The following MECOM variants were observed in gnomAD, a reference collection of about 807,000 sequenced individuals.
MECOM encodes histone-lysine N-methyltransferase MECOM.
Under a neutral mutation model 116.3 loss-of-function variants are expected in MECOM, and 13 were observed. The observed-to-expected ratio is 0.11, with a 90% CI of 0.07 to 0.18. The LOEUF (loss-of-function observed/expected upper bound fraction) is 0.18. Ranked by LOEUF, MECOM falls within the 10% of genes least tolerant of loss-of-function variation. MECOM has a pLI of 1.00. For synonymous variants in MECOM, 528 were observed against 535.2 expected (o/e 0.99, Z 0.19); for missense variants, 1,299 against 1,509.0 (o/e 0.86, Z 2.31).
At chr3:169,126,094 G>T (rs1370054889) in intron 5 of MECOM, among the ~76,000 whole-genome samples, 3 of 152,056 alleles carry the variant, frequency 2.0e-5, no homozygotes, top group East Asian at 1.9e-4. Flanking sequence ...AAATATAAAT[G>T]TTGAGAATTC....
chr3:169,463,569 T>C (rs1747802020), intron 1 of MECOM, among the ~76,000 whole-genome samples: 1 of 152,132 alleles, frequency 6.6e-6, no homozygotes. Flanking sequence ...AGAATAAAAA[T>C]AAGAAAATTA....
At chr3:169,610,560 A>G (rs1769138941) in intron 1 of MECOM, among the ~76,000 whole-genome samples, 1 of 151,650 alleles carries the variant, frequency 6.6e-6, no homozygotes, top group African/African-American at 2.4e-5. Flanking sequence ...TGGGATACTG[A>G]GCACAGAGGC....
chr3:169,439,766 C>T (rs1265034643), intron 1 of MECOM, among the ~76,000 whole-genome samples: 2 of 152,102 alleles, frequency 1.3e-5, no homozygotes, highest in Non-Finnish European at 2.9e-5. Flanking sequence ...TTCTTGTCCA[C>T]ATTCCTTATA....
intron 2 of MECOM, among the ~76,000 whole-genome samples, chr3:169,295,093 A>G (rs764584058): frequency 9.2e-5 from 14 of 152,180 alleles, no homozygotes; most frequent in Non-Finnish European, 1.6e-4. Context: ...GGGATTTTCA[A>G]ACTGTCTTCC....
At chr3:169,477,741 GA>G (rs1411219858) in intron 1 of MECOM, among the ~76,000 whole-genome samples, 1 of 152,090 alleles carries the variant, frequency 6.6e-6, no homozygotes, top group Non-Finnish European at 1.5e-5. Context: ...AAACCTTGTA[GA>G]TAGCCAATCT....
chr3:169,108,541 G>C (rs1340659895), intron 9 of MECOM, among the ~76,000 whole-genome samples: 2 of 152,128 alleles, frequency 1.3e-5, no homozygotes, highest in African/African-American at 4.8e-5. Flanking sequence ...GAGTCACTGG[G>C]AAAACCTTCA....
intron 1 of MECOM, among the ~76,000 whole-genome samples, chr3:169,572,913 C>G (rs1764085257): frequency 1.3e-5 from 2 of 151,922 alleles, no homozygotes; most frequent in East Asian, 3.9e-4. Context: ...ACCACCATGG[C>G]ACGTGTATAC....
chr3:169,468,609 C>G (rs574042343), intron 1 of MECOM, among the ~76,000 whole-genome samples: 28 of 152,106 alleles, frequency 1.8e-4, no homozygotes, highest in Non-Finnish European at 4.0e-4. Flanking sequence ...AAAAGGAATC[C>G]TTGCTTCTCA....
chr3:169,110,923 C>T (rs895111444), intron 9 of MECOM, among the ~76,000 whole-genome samples: 1 of 152,186 alleles, frequency 6.6e-6, no homozygotes, highest in Admixed American at 6.6e-5. Flanking sequence ...GCACTGGACA[C>T]ATGCCTCATC....
chr3:169,115,522 T>C lies in MECOM; in HGVS notation c.2350A>G (p.Ser784Gly). Reference protein sequence around the residue: ...DLSMGSRSRASGTKLTEPRKN... With the variant: ...DLSMGSRSRAGGTKLTEPRKN... ...CGAGGCTCAGTCAGCTTTGTCCCAC[T>C]GGCTCTACTCCTACTGCCCATACTT... Residue 784 changes from serine (S) to glycine (G), a missense_variant, in exon 8 of 17, where the codon AGT becomes GGT. By Grantham distance (56) the Ser-to-Gly change is moderately conservative. Transcript: ENST00000651503. 6.2e-7 allele frequency: 1 copy of C among 1,614,196 alleles called. No individual in the cohort carries two copies. The highest frequency in any genetic ancestry group is 8.5e-7 in the Non-Finnish European group (1 of 1,180,032).
intron 4 of MECOM, among the ~76,000 whole-genome samples, chr3:169,129,394 T>C (rs1733950276): frequency 1.1e-5 from 1 of 92,474 alleles, no homozygotes; most frequent in African/African-American, 4.0e-5. Context: ...AGGGATATAT[T>C]CAGACTTGGT....
At chr3:169,583,922 C>T (rs1467746607) in intron 1 of MECOM, among the ~76,000 whole-genome samples, 1 of 152,034 alleles carries the variant, frequency 6.6e-6, no homozygotes, top group East Asian at 1.9e-4. Flanking sequence ...ATTTTAAAAT[C>T]AATTATTTGA....
At chr3:169,097,396 G>C (rs566429759) in intron 12 of MECOM, among the ~76,000 whole-genome samples, 1 of 152,010 alleles carries the variant, frequency 6.6e-6, no homozygotes, top group Non-Finnish European at 1.5e-5. Context: ...TCCAATAAGA[G>C]CCTAAGTTTT....
chr3:169,542,190 CT>C (rs1760153324), intron 1 of MECOM, among the ~76,000 whole-genome samples: 1 of 152,062 alleles, frequency 6.6e-6, no homozygotes. Flanking sequence ...ATTAAATATA[CT>C]CTTTTTTAAA....
intron 1 of MECOM, among the ~76,000 whole-genome samples, chr3:169,559,046 G>GCA (rs113971910): frequency 0.013 from 1,989 of 148,372 alleles, 43 homozygotes; most frequent in South Asian, 0.035. Context: ...ACACACACGC[G>GCA]CACACACACA....
chr3:169,531,265 G>A (rs1191339666), intron 1 of MECOM, among the ~76,000 whole-genome samples: 1 of 152,128 alleles, frequency 6.6e-6, no homozygotes, highest in East Asian at 1.9e-4. Context: ...ATCTGCCAAA[G>A]ACACACTTAA....
intron 1 of MECOM, among the ~76,000 whole-genome samples, chr3:169,662,650 C>T (rs1430021934): frequency 6.6e-6 from 1 of 151,136 alleles, no homozygotes; most frequent in East Asian, 2.0e-4. Context: ...CCGCGCAGCG[C>T]CGCGCCGGAG....
chr3:169,121,321 C>G, intron 6 of MECOM, 112 bp from the exon 7 acceptor site: 1 of 1,159,138 alleles, frequency 8.6e-7, no homozygotes, highest in South Asian at 1.8e-5. Flanking sequence ...TTTTCTTTTC[C>G]CCAAAGACCA....
intron 2 of MECOM, among the ~76,000 whole-genome samples, chr3:169,252,207 GTAAAGT>G (rs1390382443): frequency 6.6e-6 from 1 of 152,018 alleles, no homozygotes; most frequent in Non-Finnish European, 1.5e-5. Context: ...CAACTTTAAT[GTAAAGT>G]TATTTATTTA....
Sources: gnomAD v4.1 joint callset for allele counts (sites outside exome capture counted in the v4.1 genomes callset) on GRCh38, gnomAD v4.1.1 for gene constraint, MANE v1.5 for transcripts, NCBI Gene and HGNC (gene_info 2026-07-23, HGNC 2026-07-21) for gene names.